Variants in GRK3 observed in about 807,000 individuals in gnomAD.
GRK3 encodes the protein adrenergic, beta, receptor kinase 2.
GRK3 carries 54 observed loss-of-function variants against 95.7 expected under a neutral mutation model. That is an observed-to-expected ratio of 0.56 (90% CI 0.45 to 0.71). GRK3 has a LOEUF of 0.71. Ranked by LOEUF, GRK3 falls within the 30% of genes least tolerant of loss-of-function variation. The pLI is 0.00. For missense variants in GRK3, 649 were observed against 851.2 expected (o/e 0.76, Z 2.96); for synonymous variants, 281 against 290.8 (o/e 0.97, Z 0.34).
At chr22:25,648,582 A>G in intron 3 of GRK3, 1 of 1,309,836 alleles carries the variant, frequency 7.6e-7, no homozygotes, top group South Asian at 1.2e-5. Context: ...AATGAAAAAA[A>G]TAAGACATGG....
chr22:25,700,152 G>A (rs191089494), intron 13 of GRK3, among the ~76,000 whole-genome samples: 3 of 152,320 alleles, frequency 2.0e-5, no homozygotes, highest in East Asian at 1.9e-4. Flanking sequence ...AGATGTCAAG[G>A]CTTCAGAAGG....
intron 2 of GRK3, among the ~76,000 whole-genome samples, chr22:25,610,203 C>G (rs2084486233): frequency 6.6e-6 from 1 of 152,140 alleles, no homozygotes; most frequent in African/African-American, 2.4e-5. Flanking sequence ...TGGCTCATAC[C>G]TGTAATCCCA....
intron 8 of GRK3, among the ~76,000 whole-genome samples, chr22:25,677,948 A>G (rs189587888): frequency 2.0e-5 from 3 of 152,370 alleles, no homozygotes; most frequent in Admixed American, 2.0e-4. Context: ...TAAGTTGCCA[A>G]TTGGTTCTTC....
At chr22:25,640,780 AAAGTTAATC>A (rs1360818170) in intron 2 of GRK3, among the ~76,000 whole-genome samples, 4 of 151,550 alleles carry the variant, frequency 2.6e-5, no homozygotes, top group African/African-American at 9.7e-5. Flanking sequence ...CATACACTAA[AAAGTTAATC>A]AATATTCAGC....
chr22:25,661,338 C>T (rs2084908077), intron 3 of GRK3, among the ~76,000 whole-genome samples: 1 of 152,146 alleles, frequency 6.6e-6, no homozygotes, highest in African/African-American at 2.4e-5. Flanking sequence ...TATGTTTCTA[C>T]ATTTAAGTGA....
At chr22:25,599,325 G>A (rs2084392894) in intron 1 of GRK3, among the ~76,000 whole-genome samples, 1 of 152,142 alleles carries the variant, frequency 6.6e-6, no homozygotes, top group Admixed American at 6.5e-5. Context: ...AGGTGCAGTG[G>A]CTCATGCCTG....
chr22:25,677,163 C>A (rs2146420377), intron 8 of GRK3, among the ~76,000 whole-genome samples: 1 of 152,074 alleles, frequency 6.6e-6, no homozygotes, highest in South Asian at 2.1e-4. Context: ...GAGTTCGAGA[C>A]CAGCCTGGAC....
chr22:25,718,506 A>G, intron 19 of GRK3, 125 bp downstream of exon 19: 1 of 1,113,494 alleles, frequency 9.0e-7, no homozygotes, highest in Non-Finnish European at 1.3e-6. Flanking sequence ...TTACTGCTCT[A>G]CATGAGATTG....
intron 2 of GRK3, among the ~76,000 whole-genome samples, chr22:25,629,784 A>G (rs1486322365): frequency 6.6e-6 from 1 of 152,198 alleles, no homozygotes; most frequent in Non-Finnish European, 1.5e-5. Flanking sequence ...ATCTGATGTG[A>G]GTAGCATGAA....
chr22:25,697,241 G>A (rs1016846140), intron 13 of GRK3, among the ~76,000 whole-genome samples: 5 of 152,202 alleles, frequency 3.3e-5, no homozygotes, highest in Admixed American at 2.0e-4. Flanking sequence ...AGGCTGGGGA[G>A]GATTTGCTGT....
At chr22:25,604,720 T>C (rs1182535001) in intron 2 of GRK3, among the ~76,000 whole-genome samples, 2 of 152,270 alleles carry the variant, frequency 1.3e-5, no homozygotes, top group Non-Finnish European at 2.9e-5. Context: ...AGGATATTCC[T>C]TTCTTTTCTT....
chr22:25,599,068 A>T (rs576987580), intron 1 of GRK3, among the ~76,000 whole-genome samples: 3 of 152,234 alleles, frequency 2.0e-5, no homozygotes, highest in Non-Finnish European at 2.9e-5. Flanking sequence ...CTCCCAGAAT[A>T]ACTCAAAATT....
chr22:25,612,304 G>A (rs1473316145), intron 2 of GRK3, among the ~76,000 whole-genome samples: 1 of 152,040 alleles, frequency 6.6e-6, no homozygotes, highest in Non-Finnish European at 1.5e-5. Context: ...TTTGCATGTG[G>A]ATATCCGATT....
intron 17 of GRK3, among the ~76,000 whole-genome samples, chr22:25,712,274 C>G (rs2085349834): frequency 6.6e-6 from 1 of 152,148 alleles, no homozygotes; most frequent in Admixed American, 6.5e-5. Context: ...TGAGGGACAC[C>G]CTTCTGTGGT....
chr22:25,725,586 C>T lies in GRK3; in HGVS notation c.*3136C>T. 2.5e-6 allele frequency: 1 copy of T among 398,536 alleles called. No individual in the cohort carries two copies. Among genetic ancestry groups the T allele is most frequent in the Non-Finnish European group, 4.4e-6 (1 of 226,058 alleles). 24.7% of individuals were successfully genotyped at this position (398,536 alleles called of 1,614,324 possible). A position where few individuals can be genotyped will look rare whatever the true frequency, so the allele number is the denominator to read the frequency against. ...GAAGTCAGCTTATTATGTCACCATT[C>T]ATGCAAAGTGCTCATGCCTCTGATT... On this transcript the variant is annotated 3_prime_UTR_variant, in exon 21 of 21. Transcript: ENST00000324198.
At chr22:25,663,786 T>TA in intron 5 of GRK3, 82 bp downstream of exon 5, 1 of 940,560 alleles carries the variant, frequency 1.1e-6, no homozygotes, top group Non-Finnish European at 1.7e-6. Flanking sequence ...CATGTGCAAT[T>TA]ACACTAGAGG....
At position 25,727,991 on chromosome 22, in the gene GRK3, A is replaced by G. The variant is rs960610248; in HGVS notation, c.*5541A>G. The stretch of plus-strand genomic sequence containing the variant: ...AAAGATCACTGAACTATATATATAT[A>G]AGAAACAAGAGTTCTATTTTAGCAC... On this transcript the variant is annotated 3_prime_UTR_variant, in exon 21 of 21. Transcript: ENST00000324198. 2 of 152,214 alleles carry G rather than the reference A, an allele frequency of 1.3e-5. No individual in the cohort carries two copies. The highest frequency in any genetic ancestry group is 2.4e-5 in the African/African-American group (1 of 41,464). 9.4% of individuals were successfully genotyped at this position (152,214 alleles called of 1,614,324 possible).
chr22:25,718,105 AT>A, intron 18 of GRK3, 139 bp from the exon 19 acceptor site: 1 of 887,116 alleles, frequency 1.1e-6, no homozygotes, highest in Non-Finnish European at 1.7e-6. Context: ...TAAAACTAAA[AT>A]CGTGACTTCT....
At chr22:25,608,048 G>C (rs1363141642) in intron 2 of GRK3, among the ~76,000 whole-genome samples, 1 of 152,184 alleles carries the variant, frequency 6.6e-6, no homozygotes, top group Non-Finnish European at 1.5e-5. Flanking sequence ...TAGGGTCTCT[G>C]TAGTCAGGTC....
Sources: gnomAD v4.1 joint callset for allele counts (sites outside exome capture counted in the v4.1 genomes callset) on GRCh38, gnomAD v4.1.1 for gene constraint, MANE v1.5 for transcripts, NCBI Gene and HGNC (gene_info 2026-07-23, HGNC 2026-07-21) for gene names.